EFCAB14: variants seen among roughly 807,000 people sequenced by gnomAD.
The protein encoded by EFCAB14 is EF-hand calcium binding domain 14.
A neutral mutation model predicts 56.5 loss-of-function variants in EFCAB14; 43 were observed. The ratio of observed to expected loss-of-function variants is 0.76; its 90% CI spans 0.60 to 0.98. EFCAB14 has a LOEUF of 0.98. Ranked by LOEUF, EFCAB14 falls within the 50% of genes least tolerant of loss-of-function variation. The probability of loss-of-function intolerance (pLI) is 0.00; values close to 1 mark genes in which losing one functional copy is unlikely to be tolerated. For missense variants in EFCAB14, 538 were observed against 580.3 expected (o/e 0.93, Z 0.75); for synonymous variants, 235 against 212.9 (o/e 1.10, Z -0.90).
rs568036314 is a variant in EFCAB14, at chr1:46,716,121, A to C, written c.334+174T>G. 2.0e-5 allele frequency among the ~76,000 whole-genome samples: 3 copies of C among 152,074 alleles called. No individual in the cohort carries two copies. The East Asian group carries it at 5.8e-4, about 29-fold the overall frequency. On this transcript the variant is annotated intron_variant, in intron 2 of 10. Transcript: ENST00000371933. Reference sequence around the variant, plus strand: ...AAAAATTAGCTGGGTGTGGTGGCACACACCTGTAATCCCAGTTACTCAGAA... The same window carrying C: ...AAAAATTAGCTGGGTGTGGTGGCACCCACCTGTAATCCCAGTTACTCAGAA...
At chr1:46,689,111 T>A (rs376765748) in intron 6 of EFCAB14, among the ~76,000 whole-genome samples, 1 of 152,176 alleles carries the variant, frequency 6.6e-6, no homozygotes, top group East Asian at 1.9e-4. Context: ...TCCTCTATTC[T>A]CTTTAATGTG....
chr1:46,688,299 A>G (rs1676921448), intron 7 of EFCAB14, 54 bp downstream of exon 7: 1 of 1,534,796 alleles, frequency 6.5e-7, no homozygotes, highest in Admixed American at 1.8e-5. Context: ...GTAGAATGTT[A>G]TCCATGCACA....
chr1:46,708,917 G>C (rs1677269872), intron 2 of EFCAB14, among the ~76,000 whole-genome samples: 1 of 150,174 alleles, frequency 6.7e-6, no homozygotes, highest in South Asian at 2.1e-4. Flanking sequence ...ATTAATAATG[G>C]CTGGTCCTCC....
At chr1:46,694,284 A>C (rs553307563) in intron 4 of EFCAB14, among the ~76,000 whole-genome samples, 1 of 152,364 alleles carries the variant, frequency 6.6e-6, no homozygotes, top group African/African-American at 2.4e-5. Context: ...CATCAGAGTG[A>C]ACAGGCAACC....
At chr1:46,696,019 CAG>C (rs1379908698) in intron 4 of EFCAB14, among the ~76,000 whole-genome samples, 1 of 152,194 alleles carries the variant, frequency 6.6e-6, no homozygotes, top group East Asian at 1.9e-4. Flanking sequence ...CTAGCAGGAG[CAG>C]GAGTGTTTGA....
chr1:46,691,829 T>C lies in EFCAB14; in HGVS notation c.688A>G (p.Met230Val). 1 of 1,612,080 alleles carries C rather than the reference T, an allele frequency of 6.2e-7. No individual in the cohort carries two copies. Among genetic ancestry groups the C allele is most frequent in the African/African-American group, 1.3e-5 (1 of 74,958 alleles). The change falls in exon 5 of 11, where the codon ATG becomes GTG. Residue 230 changes from methionine (M) to valine (V), a missense_variant and splice_region_variant. Transcript: ENST00000371933. ...KKTMELLQSDMNQHFLKETPG... is the reference protein window; with the variant it reads ...KKTMELLQSDVNQHFLKETPG... ...GCTGACTTGCTGGGTCTCCTTACCA[T>C]ATCACTCTGCAGTAATTCCATCGTT...
intron 10 of EFCAB14, among the ~76,000 whole-genome samples, chr1:46,679,317 T>C (rs1676750122): frequency 6.6e-6 from 1 of 152,240 alleles, no homozygotes; most frequent in African/African-American, 2.4e-5. Flanking sequence ...TTTCTTTTTT[T>C]TGAAGCTAAG....
chr1:46,702,802 C>T (rs936596020), intron 3 of EFCAB14, among the ~76,000 whole-genome samples: 1 of 152,046 alleles, frequency 6.6e-6, no homozygotes, highest in Non-Finnish European at 1.5e-5. Context: ...GGTATTTGGA[C>T]TGAGTGCTAA....
chr1:46,684,746 T>A lies in EFCAB14; in HGVS notation c.1075-144A>T. 4 of 641,818 alleles carry A rather than the reference T, an allele frequency of 6.2e-6. No individual in the cohort carries two copies. In the South Asian group the frequency reaches 7.5e-5, roughly 12 times the overall value. The allele number at this position is 641,818 out of a possible 1,614,324, so 39.8% of individuals were successfully genotyped here. On this transcript the variant is annotated intron_variant, in intron 8 of 10. Transcript: ENST00000371933. ...AAGACAATAAAAGAATGAATCAACA[T>A]ATACTGGTGATGTCTTTGGTCCTCA...
chr1:46,709,235 A>G (rs1677274275), intron 2 of EFCAB14, among the ~76,000 whole-genome samples: 1 of 152,188 alleles, frequency 6.6e-6, no homozygotes, highest in African/African-American at 2.4e-5. Flanking sequence ...CTTAACTTCC[A>G]ATTACATTTC....
At chr1:46,695,369 T>A (rs1352458514) in intron 4 of EFCAB14, among the ~76,000 whole-genome samples, 1 of 152,048 alleles carries the variant, frequency 6.6e-6, no homozygotes, top group African/African-American at 2.4e-5. Flanking sequence ...CTACCCCTTT[T>A]TTTTCCCCCC....
chr1:46,693,765 T>C (rs1280995776), intron 4 of EFCAB14, among the ~76,000 whole-genome samples: 1 of 152,154 alleles, frequency 6.6e-6, no homozygotes, highest in Admixed American at 6.6e-5. Context: ...ACTCTGAAAC[T>C]AGTATTCCCA....
chr1:46,712,853 A>C (rs1271150006), intron 2 of EFCAB14, among the ~76,000 whole-genome samples: 1 of 151,530 alleles, frequency 6.6e-6, no homozygotes, highest in Non-Finnish European at 1.5e-5. Context: ...ACTAAAAAAA[A>C]ATACAAAAAA....
At position 46,718,351 on chromosome 1, in the gene EFCAB14, G is replaced by A. The variant is rs1677430858; in HGVS notation, c.-264C>T. 1 of 395,134 alleles carries A rather than the reference G, an allele frequency of 2.5e-6. No homozygotes were observed. Among genetic ancestry groups the A allele is most frequent in the Non-Finnish European group, 4.6e-6 (1 of 215,060 alleles). 24.5% of individuals were successfully genotyped at this position (395,134 alleles called of 1,614,324 possible). A position where few individuals can be genotyped will look rare whatever the true frequency, so the allele number is the denominator to read the frequency against. ...GGTGACCCCAAAGGATAAGGCCTTG[G>A]GTGCAGAGTGTTAGTAGAGGGTGGA... On this transcript the variant is annotated 5_prime_UTR_variant, in exon 1 of 11. Transcript: ENST00000371933.
chr1:46,700,850 C>T (rs777088007), intron 3 of EFCAB14, among the ~76,000 whole-genome samples: 3 of 152,206 alleles, frequency 2.0e-5, no homozygotes, highest in Middle Eastern at 6.8e-3. Flanking sequence ...CAAACACACA[C>T]GCATGTTAAC....
At chr1:46,687,676 G>A (rs141970827) in intron 7 of EFCAB14, among the ~76,000 whole-genome samples, 1 of 152,170 alleles carries the variant, frequency 6.6e-6, no homozygotes, top group South Asian at 2.1e-4. Context: ...ATTAAAAAAA[G>A]AATCCATGTG....
At chr1:46,679,566 G>A (rs1676755110) in intron 10 of EFCAB14, among the ~76,000 whole-genome samples, 1 of 139,170 alleles carries the variant, frequency 7.2e-6, no homozygotes. Flanking sequence ...GCCTCCCAGA[G>A]TGCTGGGATT....
chr1:46,710,541 T>C (rs1677293666), intron 2 of EFCAB14, among the ~76,000 whole-genome samples: 1 of 152,270 alleles, frequency 6.6e-6, no homozygotes, highest in South Asian at 2.1e-4. Context: ...TTCTATAGAA[T>C]CAGATTTTTT....
At chr1:46,711,662 A>C (rs1228626745) in intron 2 of EFCAB14, among the ~76,000 whole-genome samples, 1 of 152,230 alleles carries the variant, frequency 6.6e-6, no homozygotes. Flanking sequence ...CAAACAACTT[A>C]AAATTTTGTA....
Sources: gnomAD v4.1 joint callset for allele counts (sites outside exome capture counted in the v4.1 genomes callset) on GRCh38, gnomAD v4.1.1 for gene constraint, MANE v1.5 for transcripts, NCBI Gene and HGNC (gene_info 2026-07-23, HGNC 2026-07-21) for gene names.